The following CNTNAP2 variants were observed in gnomAD, a reference collection of about 807,000 sequenced individuals.
The protein encoded by CNTNAP2 is contactin-associated protein-like 2.
In CNTNAP2, 98 loss-of-function variants were observed where a neutral mutation model predicts 155.2. That is an observed-to-expected ratio of 0.63 (90% CI 0.54 to 0.75). The LOEUF (loss-of-function observed/expected upper bound fraction) is 0.75. Ranked by LOEUF, CNTNAP2 falls within the 30% of genes least tolerant of loss-of-function variation. The pLI is 0.00. For missense variants in CNTNAP2, 1,727 were observed against 1,688.1 expected (o/e 1.02, Z -0.40); for synonymous variants, 651 against 631.2 (o/e 1.03, Z -0.47).
chr7:146,900,949 CATAAT>C (rs1281157321), intron 3 of CNTNAP2, among the ~76,000 whole-genome samples: 5 of 152,006 alleles, frequency 3.3e-5, no homozygotes, highest in African/African-American at 4.8e-5. Flanking sequence ...CCTCTGTCCT[CATAAT>C]ATACTGCTTT....
intron 9 of CNTNAP2, among the ~76,000 whole-genome samples, chr7:147,382,617 G>C (rs1286561814): frequency 6.6e-6 from 1 of 152,184 alleles, no homozygotes; most frequent in African/African-American, 2.4e-5. Flanking sequence ...GTTCAGAGGA[G>C]AGAGCTGAGA....
intron 8 of CNTNAP2, among the ~76,000 whole-genome samples, chr7:147,180,073 G>A (rs1421307817): frequency 1.3e-5 from 2 of 152,112 alleles, no homozygotes; most frequent in Non-Finnish European, 2.9e-5. Context: ...GAACAGGCCT[G>A]GAGTAGTCCT....
intron 13 of CNTNAP2, chr7:147,849,966 G>A (rs1237707652): frequency 2.0e-5 from 3 of 152,188 alleles, no homozygotes; most frequent in Non-Finnish European, 2.9e-5. Context: ...TGGGAGAAGA[G>A]ATAACTAGCT....
At chr7:146,899,509 G>C (rs1795949452) in intron 3 of CNTNAP2, among the ~76,000 whole-genome samples, 1 of 152,012 alleles carries the variant, frequency 6.6e-6, no homozygotes, top group South Asian at 2.1e-4. Context: ...CATTGAACCT[G>C]TATTTTGTGC....
At chr7:146,723,741 C>T (rs1801379806) in intron 1 of CNTNAP2, among the ~76,000 whole-genome samples, 1 of 152,106 alleles carries the variant, frequency 6.6e-6, no homozygotes. Flanking sequence ...AACAAGGATA[C>T]AAAGATAAAT....
At chr7:148,356,076 G>C (rs1203143260) in intron 21 of CNTNAP2, among the ~76,000 whole-genome samples, 1 of 152,094 alleles carries the variant, frequency 6.6e-6, no homozygotes, top group Non-Finnish European at 1.5e-5. Flanking sequence ...CACACACATA[G>C]ACTATAATGA....
chr7:148,084,333 G>C (rs971702376), intron 15 of CNTNAP2, among the ~76,000 whole-genome samples: 13 of 152,266 alleles, frequency 8.5e-5, no homozygotes, highest in African/African-American at 3.1e-4. Context: ...ATCCCACACA[G>C]TGATCAAAGA....
At chr7:148,349,301 C>T (rs531939742) in intron 21 of CNTNAP2, among the ~76,000 whole-genome samples, 37 of 152,112 alleles carry the variant, frequency 2.4e-4, no homozygotes, top group African/African-American at 8.2e-4. Context: ...TCCAACCTTT[C>T]GGCTTTCCTG....
intron 22 of CNTNAP2, among the ~76,000 whole-genome samples, chr7:148,406,033 C>T (rs1799696998): frequency 6.6e-6 from 1 of 151,900 alleles, no homozygotes; most frequent in South Asian, 2.1e-4. Flanking sequence ...GAGATCGAGA[C>T]CATCTTGGAT....
intron 21 of CNTNAP2, among the ~76,000 whole-genome samples, chr7:148,374,460 A>G (rs142552976): frequency 6.6e-6 from 1 of 152,174 alleles, no homozygotes; most frequent in East Asian, 1.9e-4. Flanking sequence ...TGCTGTCCAG[A>G]GTTAGTTTCA....
chr7:147,232,275 T>C (rs1803697199), intron 8 of CNTNAP2, among the ~76,000 whole-genome samples: 1 of 152,244 alleles, frequency 6.6e-6, no homozygotes, highest in South Asian at 2.1e-4. Flanking sequence ...AAATTCAAAC[T>C]AGTCATCAAA....
At chr7:147,185,469 C>A (rs1030472955) in intron 8 of CNTNAP2, among the ~76,000 whole-genome samples, 1 of 152,026 alleles carries the variant, frequency 6.6e-6, no homozygotes, top group Non-Finnish European at 1.5e-5. Context: ...AACCTGGAAA[C>A]AACCAAACTG....
chr7:147,128,636 T>C (rs930847514), intron 6 of CNTNAP2, 57 bp from the exon 7 acceptor site: 7 of 1,594,358 alleles, frequency 4.4e-6, no homozygotes, highest in East Asian at 2.2e-5. Context: ...TTCATAGTTT[T>C]GTCTAGTTCA....
chr7:146,666,548 A>G (rs1463563530), intron 1 of CNTNAP2, among the ~76,000 whole-genome samples: 1 of 152,022 alleles, frequency 6.6e-6, no homozygotes, highest in Non-Finnish European at 1.5e-5. Context: ...TTATAGTTCT[A>G]TTTGTAATTT....
At chr7:147,214,304 A>T (rs1803221219) in intron 8 of CNTNAP2, among the ~76,000 whole-genome samples, 1 of 152,158 alleles carries the variant, frequency 6.6e-6, no homozygotes, top group East Asian at 1.9e-4. Context: ...GTGGCTTAGG[A>T]GCACAGACTC....
intron 1 of CNTNAP2, among the ~76,000 whole-genome samples, chr7:146,622,816 G>A (rs1052572012): frequency 3.9e-5 from 6 of 151,920 alleles, no homozygotes; most frequent in African/African-American, 1.2e-4. Context: ...AATTAGCCGG[G>A]CATGGTGGCC....
chr7:146,729,136 T>C (rs950071155), intron 1 of CNTNAP2, among the ~76,000 whole-genome samples: 3 of 152,226 alleles, frequency 2.0e-5, no homozygotes, highest in Admixed American at 6.5e-5. Flanking sequence ...GGGCTTCTGA[T>C]GAGTCTTTCC....
At chr7:148,233,854 G>A (rs901993639) in intron 20 of CNTNAP2, among the ~76,000 whole-genome samples, 3 of 152,166 alleles carry the variant, frequency 2.0e-5, no homozygotes, top group Non-Finnish European at 4.4e-5. Context: ...GACCATGGGG[G>A]TGGATTTCCC....
chr7:146,435,290 T>C (rs1167375153), intron 1 of CNTNAP2, among the ~76,000 whole-genome samples: 1 of 152,190 alleles, frequency 6.6e-6, no homozygotes, highest in Admixed American at 6.5e-5. Context: ...TTTTAACTTA[T>C]AATTCTTGTA....
Sources: gnomAD v4.1 joint callset for allele counts (sites outside exome capture counted in the v4.1 genomes callset) on GRCh38, gnomAD v4.1.1 for gene constraint, MANE v1.5 for transcripts, NCBI Gene and HGNC (gene_info 2026-07-23, HGNC 2026-07-21) for gene names.